DCUN1D4: variants seen among roughly 807,000 people sequenced by gnomAD.
DCUN1D4 encodes the protein DCN1-like protein 4.
DCUN1D4 carries 22 observed loss-of-function variants against 47.9 expected under a neutral mutation model. The ratio of observed to expected loss-of-function variants is 0.46; its 90% CI spans 0.33 to 0.66. The LOEUF is 0.66. Ranked by LOEUF, DCUN1D4 falls within the 30% of genes least tolerant of loss-of-function variation. The pLI is 0.02. For missense variants in DCUN1D4, 301 were observed against 340.8 expected (o/e 0.88, Z 0.92); for synonymous variants, 121 against 112.2 (o/e 1.08, Z -0.50).
chr4:51,913,234 C>T (rs558027041), intron 9 of DCUN1D4, 56 bp from the exon 10 acceptor site: 44 of 1,093,866 alleles, frequency 4.0e-5, no homozygotes, highest in African/African-American at 1.6e-4. Context: ...CAATTGAAAC[C>T]GTCCCATTTG....
At chr4:51,861,123 A>G (rs1295097414) in intron 1 of DCUN1D4, among the ~76,000 whole-genome samples, 1 of 152,214 alleles carries the variant, frequency 6.6e-6, no homozygotes, top group Non-Finnish European at 1.5e-5. Flanking sequence ...CCATACAACA[A>G]CATTATGAAG....
intron 8 of DCUN1D4, chr4:51,905,438 TC>T (rs1732740002): frequency 6.1e-6 from 1 of 163,672 alleles, no homozygotes; most frequent in Non-Finnish European, 1.4e-5. Flanking sequence ...TCAGTTCTCT[TC>T]TACAGTTGGA....
chr4:51,899,152 T>A lies in DCUN1D4; in HGVS notation c.507-118T>A, dbSNP rs949431529. On this transcript the variant is annotated intron_variant, in intron 7 of 10. Coordinates refer to ENST00000334635, the MANE Select transcript of DCUN1D4 (RefSeq NM_001040402.3). ...AAGTGTAGAAAAAATAGGTTATGGA[T>A]GTGTTTCAACTTCAGGGATTTGTTC... 4 of 1,397,488 alleles carry A rather than the reference T, an allele frequency of 2.9e-6. No individual in the cohort carries two copies. The African/African-American group carries it at 4.5e-5, about 16-fold the overall frequency. 86.6% of individuals were successfully genotyped at this position (1,397,488 alleles called of 1,614,324 possible). A position where few individuals can be genotyped will look rare whatever the true frequency, so the allele number is the denominator to read the frequency against.
At chr4:51,887,290 G>C (rs1729652868) in intron 6 of DCUN1D4, 1 of 330,228 alleles carries the variant, frequency 3.0e-6, no homozygotes, top group Non-Finnish European at 5.9e-6. Context: ...TTTTAGTAGA[G>C]ATGGGATTTC....
chr4:51,899,626 G>C (rs1161563211), intron 8 of DCUN1D4, among the ~76,000 whole-genome samples: 9 of 152,192 alleles, frequency 5.9e-5, no homozygotes, highest in Non-Finnish European at 1.3e-4. Context: ...GCTTAAAAGT[G>C]ACATGGGCAT....
chr4:51,887,220 G>A, intron 6 of DCUN1D4: 1 of 407,526 alleles, frequency 2.5e-6, no homozygotes, highest in South Asian at 1.8e-5. Context: ...CCCTGCCTCA[G>A]CCTCCTGAGT....
chr4:51,891,893 A>G, intron 7 of DCUN1D4, 42 bp downstream of exon 7: 4 of 1,490,498 alleles, frequency 2.7e-6, no homozygotes, highest in Non-Finnish European at 2.8e-6. Context: ...TGCCCTTCCC[A>G]GGTGGTTGCC....
At chr4:51,878,236 C>T (rs1357496818) in intron 5 of DCUN1D4, among the ~76,000 whole-genome samples, 1 of 152,092 alleles carries the variant, frequency 6.6e-6, no homozygotes. Flanking sequence ...TTAAGTGTTT[C>T]TATTTGGAAA....
intron 1 of DCUN1D4, among the ~76,000 whole-genome samples, chr4:51,856,289 G>T (rs1183686218): frequency 1.3e-5 from 2 of 152,154 alleles, no homozygotes; most frequent in Non-Finnish European, 2.9e-5. Flanking sequence ...ATATCTGAGA[G>T]AATTGTTCAG....
At chr4:51,881,974 C>A (rs1274522391) in intron 5 of DCUN1D4, among the ~76,000 whole-genome samples, 1 of 152,036 alleles carries the variant, frequency 6.6e-6, no homozygotes, top group Non-Finnish European at 1.5e-5. Flanking sequence ...TTGTGACCAG[C>A]CTGGGCAATA....
At chr4:51,905,198 A>G in intron 8 of DCUN1D4, 2 of 455,524 alleles carry the variant, frequency 4.4e-6, no homozygotes, top group Non-Finnish European at 8.8e-6. Context: ...GTTCTATATG[A>G]TGCTTGAGAG....
chr4:51,866,407 G>A (rs576669598), intron 3 of DCUN1D4, among the ~76,000 whole-genome samples: 24 of 151,306 alleles, frequency 1.6e-4, no homozygotes, highest in Middle Eastern at 3.5e-3. Flanking sequence ...TGATGATGAT[G>A]ATGTATTTTT....
At position 51,877,769 on chromosome 4, in the gene DCUN1D4, T is replaced by C. The variant is rs1182441314; in HGVS notation, c.258T>C (p.Tyr86=). The change falls in exon 5 of 11, where the codon TAT becomes TAC. Residue 86 remains tyrosine (Y), a synonymous_variant. Transcript: ENST00000334635. ...CTGCCTTTTCAATTTCCAGCATGTA[T>C]AGAAAATATGATTCGACTAGAATAA... ...SAKKSRHDSM[Y]RKYDSTRIKT... 2 of 1,603,702 alleles carry C rather than the reference T, an allele frequency of 1.2e-6. No individual in the cohort carries two copies. Among genetic ancestry groups the C allele is most frequent in the Admixed American group, 1.7e-5 (1 of 58,398 alleles).
chr4:51,904,735 G>A (rs549470073), intron 8 of DCUN1D4, among the ~76,000 whole-genome samples: 186 of 152,154 alleles, frequency 1.2e-3, no homozygotes, highest in South Asian at 2.3e-3. Flanking sequence ...GTTTTTAAGT[G>A]GAAAGGGAAA....
intron 5 of DCUN1D4, among the ~76,000 whole-genome samples, chr4:51,885,129 A>G (rs1729253102): frequency 6.6e-6 from 1 of 152,146 alleles, no homozygotes. Context: ...TGGATTTTAT[A>G]TTTAGGCTCT....
chr4:51,889,994 T>G (rs1730163809), intron 6 of DCUN1D4, among the ~76,000 whole-genome samples: 1 of 152,230 alleles, frequency 6.6e-6, no homozygotes, highest in Admixed American at 6.5e-5. Flanking sequence ...ATTTATTTGA[T>G]GAAAGATCCT....
chr4:51,838,992 T>C (rs1354736956), upstream of DCUN1D4, among the ~76,000 whole-genome samples: 1 of 152,012 alleles, frequency 6.6e-6, no homozygotes, highest in Non-Finnish European at 1.5e-5. Flanking sequence ...GGAGAATCAC[T>C]TGAACCCAGG....
Position 51,863,485 on chromosome 4 carries a change from T to G in DCUN1D4, c.74T>G (p.Ile25Ser), listed in dbSNP as rs773556093. The G allele has an allele frequency of 6.2e-7, 1 of 1,613,020 alleles. No individual in the cohort carries two copies. Among genetic ancestry groups the G allele is most frequent in the Non-Finnish European group, 8.5e-7 (1 of 1,179,476 alleles). The change falls in exon 2 of 11, where the codon ATC (isoleucine) becomes AGC (serine). Residue 25 changes from isoleucine to serine, a missense_variant. Transcript: ENST00000334635. ...TCAACACTGGCAAATATTCATAAGATCTACCACACCCTTAATAAGCTGGTA... is the reference window on the plus strand; with the variant it reads ...TCAACACTGGCAAATATTCATAAGAGCTACCACACCCTTAATAAGCTGGTA... ...HLSTLANIHK[I>S]YHTLNKLNLT... is the part of the protein sequence containing the mutation.
At chr4:51,887,995 G>T (rs139863183) in intron 6 of DCUN1D4, among the ~76,000 whole-genome samples, 8 of 150,802 alleles carry the variant, frequency 5.3e-5, no homozygotes, top group South Asian at 2.1e-4. Flanking sequence ...TGGGTCAATA[G>T]TATTTTGCCA....
Sources: allele counts gnomAD v4.1 joint callset (sites outside exome capture counted in the v4.1 genomes callset), GRCh38; gene constraint gnomAD v4.1.1; transcripts MANE v1.5; gene names NCBI Gene and HGNC (gene_info 2026-07-23, HGNC 2026-07-21).